The following SPHKAP variants were observed in gnomAD, a reference collection of about 807,000 sequenced individuals.
SPHKAP encodes the protein A-kinase anchor protein SPHKAP.
In SPHKAP, 67 loss-of-function variants were observed where a neutral mutation model predicts 137.5. The observed-to-expected ratio is 0.49, with a 90% CI of 0.40 to 0.60. The LOEUF (loss-of-function observed/expected upper bound fraction) is 0.60. SPHKAP is among the 20% of genes least tolerant of loss of function. The pLI is 0.00. For synonymous variants in SPHKAP, 813 were observed against 785.3 expected (o/e 1.04, Z -0.59); for missense variants, 2,097 against 2,069.3 (o/e 1.01, Z -0.26).
At chr2:228,122,693 T>C (rs1053439567) in intron 2 of SPHKAP, among the ~76,000 whole-genome samples, 1 of 152,230 alleles carries the variant, frequency 6.6e-6, no homozygotes, top group Admixed American at 6.5e-5. Flanking sequence ...CTTGACCTGC[T>C]TTTGCTGAAG....
At chr2:227,996,709 T>TA (rs1218858525) in intron 7 of SPHKAP, among the ~76,000 whole-genome samples, 1 of 152,200 alleles carries the variant, frequency 6.6e-6, no homozygotes, top group Admixed American at 6.5e-5. Flanking sequence ...CTGGGCTTCT[T>TA]ATTTCCATTG....
chr2:228,083,378 T>A (rs867862460), intron 3 of SPHKAP, among the ~76,000 whole-genome samples: 4 of 152,244 alleles, frequency 2.6e-5, no homozygotes, highest in Admixed American at 6.5e-5. Context: ...ATAATTGCCA[T>A]TTGACTGGTG....
At chr2:228,134,111 A>T (rs1699354711) in intron 1 of SPHKAP, among the ~76,000 whole-genome samples, 1 of 120,976 alleles carries the variant, frequency 8.3e-6, no homozygotes, top group South Asian at 2.7e-4. Flanking sequence ...GAAGGAAGGA[A>T]GGGAGAGAGA....
intron 6 of SPHKAP, 122 bp from the exon 7 acceptor site, chr2:228,020,278 T>C: frequency 2.9e-6 from 4 of 1,369,030 alleles, no homozygotes; most frequent in Non-Finnish European, 3.9e-6. Flanking sequence ...ATATGTTTAT[T>C]GCAGCACTAT....
intron 2 of SPHKAP, among the ~76,000 whole-genome samples, chr2:228,114,828 A>T (rs1012826061): frequency 6.6e-6 from 1 of 152,054 alleles, no homozygotes; most frequent in Non-Finnish European, 1.5e-5. Flanking sequence ...ACCAATGCTC[A>T]TTGAGCTTTT....
intron 1 of SPHKAP, among the ~76,000 whole-genome samples, chr2:228,170,720 CTTTTGAATCCCTTGGAAAACCAAAAAAA>C (rs1254489576): frequency 1.2e-4 from 19 of 152,126 alleles, no homozygotes; most frequent in Admixed American, 1.2e-3. Flanking sequence ...GTACACATAA[CTTTTGAATCCCTTGGAAAACCAAAAAAA>C]TTTTGTGCCT....
intron 3 of SPHKAP, among the ~76,000 whole-genome samples, chr2:228,097,527 G>T (rs1171130943): frequency 3.3e-5 from 5 of 151,512 alleles, no homozygotes; most frequent in African/African-American, 9.7e-5. Flanking sequence ...TTTATTTTAG[G>T]CTCAGTGGGC....
chr2:228,017,632 C>A lies in SPHKAP; in HGVS notation c.3222G>T (p.Arg1074Ser), dbSNP rs1386536724. ...AGCTGGAGGCCTTCAGCCGGCTCCA[C>A]CTGTCGCCACTCAGTAACCGATTCC... ...YPRNRLLSGD[R>S]WSRLKASSCE... is the part of the protein sequence containing the mutation. Residue 1074 changes from arginine to serine, a missense_variant, in exon 7 of 12, where the codon AGG becomes AGT. Physicochemically the swap from Arg to Ser is moderately radical, Grantham distance 110 (BLOSUM62 -1). Coordinates refer to ENST00000392056, the MANE Select transcript of SPHKAP (RefSeq NM_001142644.2). 1.2e-6 allele frequency: 2 copies of A among 1,613,870 alleles called. No individual in the cohort carries two copies. Among genetic ancestry groups the A allele is most frequent in the Non-Finnish European group, 1.7e-6 (2 of 1,180,048 alleles).
chr2:227,986,083 C>T (rs576667410), intron 11 of SPHKAP, among the ~76,000 whole-genome samples: 5 of 152,248 alleles, frequency 3.3e-5, no homozygotes, highest in African/African-American at 7.2e-5. Context: ...AACCTCCCCA[C>T]GTGACTCTAA....
chr2:228,107,340 G>C (rs1386899542), intron 3 of SPHKAP, among the ~76,000 whole-genome samples: 1 of 151,960 alleles, frequency 6.6e-6, no homozygotes, highest in Non-Finnish European at 1.5e-5. Context: ...GGAAGTTTCA[G>C]TTATTACAAA....
At chr2:228,072,834 C>T (rs879485644) in intron 3 of SPHKAP, among the ~76,000 whole-genome samples, 4 of 152,314 alleles carry the variant, frequency 2.6e-5, no homozygotes, top group South Asian at 2.1e-4. Flanking sequence ...GACATGTGAA[C>T]GAGCAAGCTT....
intron 3 of SPHKAP, among the ~76,000 whole-genome samples, chr2:228,093,859 CAAAAAA>C (rs11336381): frequency 1.3e-5 from 1 of 77,110 alleles, no homozygotes; most frequent in Non-Finnish European, 2.3e-5. Context: ...GACTCCGTTT[CAAAAAA>C]AAAAAAAAAA....
chr2:228,043,038 T>G (rs1425944868), intron 3 of SPHKAP, among the ~76,000 whole-genome samples: 1 of 152,144 alleles, frequency 6.6e-6, no homozygotes, highest in Non-Finnish European at 1.5e-5. Flanking sequence ...AGACTGCAAT[T>G]TAAAACGGAA....
At chr2:228,001,824 GT>G (rs1222195185) in intron 7 of SPHKAP, among the ~76,000 whole-genome samples, 2 of 151,538 alleles carry the variant, frequency 1.3e-5, no homozygotes, top group Non-Finnish European at 2.9e-5. Context: ...GAAGTGTTTG[GT>G]TTTTTTTCCT....
chr2:228,072,902 G>C (rs145155735), intron 3 of SPHKAP, among the ~76,000 whole-genome samples: 229 of 152,336 alleles, frequency 1.5e-3, no homozygotes, highest in African/African-American at 5.2e-3. Context: ...GTGGAGCCAG[G>C]CTTTGAGTCT....
At chr2:228,077,238 C>A (rs1697215405) in intron 3 of SPHKAP, among the ~76,000 whole-genome samples, 1 of 152,170 alleles carries the variant, frequency 6.6e-6, no homozygotes, top group East Asian at 1.9e-4. Context: ...GAGCCTCCCC[C>A]ACCCCCACAG....
intron 2 of SPHKAP, among the ~76,000 whole-genome samples, chr2:228,114,283 G>A (rs576551438): frequency 1.8e-4 from 27 of 152,198 alleles, no homozygotes; most frequent in East Asian, 1.5e-3. Context: ...TTACAGTTAC[G>A]TTTCTTTTTA....
intron 7 of SPHKAP, among the ~76,000 whole-genome samples, chr2:228,015,166 C>A (rs1486014051): frequency 6.7e-6 from 1 of 149,712 alleles, no homozygotes; most frequent in Non-Finnish European, 1.5e-5. Flanking sequence ...TGAGAACATG[C>A]AGTGTTTGGT....
chr2:227,992,957 T>A (rs1693470560), intron 9 of SPHKAP, among the ~76,000 whole-genome samples: 1 of 152,144 alleles, frequency 6.6e-6, no homozygotes, highest in Non-Finnish European at 1.5e-5. Context: ...GCCCTCTCTT[T>A]TTGCGCCATA....
Sources: gnomAD v4.1 joint callset for allele counts (sites outside exome capture counted in the v4.1 genomes callset) on GRCh38, gnomAD v4.1.1 for gene constraint, MANE v1.5 for transcripts, NCBI Gene and HGNC (gene_info 2026-07-23, HGNC 2026-07-21) for gene names.